SERPINB10: variants seen among roughly 807,000 people sequenced by gnomAD.
The protein encoded by SERPINB10 is serpin family B member 10.
A neutral mutation model predicts 39.1 loss-of-function variants in SERPINB10; 35 were observed. The observed-to-expected ratio is 0.90, with a 90% CI of 0.68 to 1.19. The LOEUF (loss-of-function observed/expected upper bound fraction) is 1.19, where lower values mean the gene tolerates loss of function less well. SERPINB10 is among the 50% of genes most tolerant of loss of function. The pLI, the probability that SERPINB10 is intolerant of heterozygous loss-of-function variation, is 0.00. For missense variants in SERPINB10, 546 were observed against 460.5 expected (o/e 1.19, Z -1.70); for synonymous variants, 190 against 158.1 (o/e 1.20, Z -1.52).
intron 5 of SERPINB10, among the ~76,000 whole-genome samples, chr18:63,921,831 T>C (rs1401239931): frequency 2.0e-5 from 3 of 151,904 alleles, no homozygotes; most frequent in Non-Finnish European, 2.9e-5. Context: ...TCAGGGATTC[T>C]ACATGTCATA....
At chr18:63,917,604 C>G (rs1046042578) in intron 3 of SERPINB10, 83 bp downstream of exon 3, 2 of 754,318 alleles carry the variant, frequency 2.7e-6, no homozygotes, top group African/African-American at 1.8e-5. Context: ...ACTGAAGCAA[C>G]TTTTAGCAGG....
At chr18:63,931,970 T>C (rs1014817644) in intron 6 of SERPINB10, among the ~76,000 whole-genome samples, 1 of 152,212 alleles carries the variant, frequency 6.6e-6, no homozygotes, top group Non-Finnish European at 1.5e-5. Context: ...TTGTACAGTT[T>C]TGGCTTTTCT....
intron 1 of SERPINB10, among the ~76,000 whole-genome samples, chr18:63,913,487 A>G (rs569527399): frequency 1.3e-5 from 2 of 151,882 alleles, no homozygotes; most frequent in South Asian, 4.1e-4. Context: ...CTCTGTGTCT[A>G]TTTCAAAGAC....
chr18:63,912,070 T>C (rs1477915313), intron 1 of SERPINB10, among the ~76,000 whole-genome samples: 1 of 151,992 alleles, frequency 6.6e-6, no homozygotes, highest in Non-Finnish European at 1.5e-5. Flanking sequence ...TAGTCTTGAG[T>C]TGGCTCCCTG....
intron 5 of SERPINB10, among the ~76,000 whole-genome samples, chr18:63,926,385 T>C (rs8094058): frequency 0.41 from 62,584 of 151,874 alleles, 15,756 homozygotes; most frequent in African/African-American, 0.71. Context: ...TTGGGTCTCA[T>C]CTTAATCCAA....
chr18:63,923,445 A>G (rs560854309), intron 5 of SERPINB10, among the ~76,000 whole-genome samples: 3 of 151,868 alleles, frequency 2.0e-5, no homozygotes, highest in African/African-American at 7.2e-5. Flanking sequence ...TGAGCTTTCA[A>G]CAGGTCTTCT....
intron 5 of SERPINB10, among the ~76,000 whole-genome samples, chr18:63,924,844 C>T (rs1417924656): frequency 6.6e-6 from 1 of 151,880 alleles, no homozygotes; most frequent in East Asian, 1.9e-4. Context: ...TGGCTTGTAG[C>T]ACTGTTTCAG....
chr18:63,934,758 C>T, intron 7 of SERPINB10, 80 bp from the exon 8 acceptor site: 1 of 1,417,976 alleles, frequency 7.1e-7, no homozygotes, highest in African/African-American at 1.4e-5. Flanking sequence ...CTATGTAATT[C>T]CTAGGGTGCT....
intron 5 of SERPINB10, among the ~76,000 whole-genome samples, chr18:63,921,521 T>G (rs1030523592): frequency 6.6e-6 from 1 of 151,942 alleles, no homozygotes; most frequent in African/African-American, 2.4e-5. Flanking sequence ...TCCTTTCAAT[T>G]CCTTTCCTCC....
At chr18:63,928,122 T>C (rs2050193583) in intron 5 of SERPINB10, among the ~76,000 whole-genome samples, 1 of 152,098 alleles carries the variant, frequency 6.6e-6, no homozygotes, top group Non-Finnish European at 1.5e-5. Flanking sequence ...AATATTTTCC[T>C]GGAAAATTAT....
intron 1 of SERPINB10, among the ~76,000 whole-genome samples, chr18:63,909,246 C>T (rs78133935): frequency 0.026 from 3,916 of 152,070 alleles, 153 homozygotes; most frequent in African/African-American, 0.088. Flanking sequence ...TGCAAAAGAG[C>T]AATTAATTTT....
chr18:63,911,658 C>A (rs1364338504), intron 1 of SERPINB10, among the ~76,000 whole-genome samples: 1 of 152,022 alleles, frequency 6.6e-6, no homozygotes, highest in African/African-American at 2.4e-5. Flanking sequence ...GTGCCAGCAC[C>A]AGGCTGTTTT....
At chr18:63,922,664 C>A (rs976142) in intron 5 of SERPINB10, among the ~76,000 whole-genome samples, 16 of 151,764 alleles carry the variant, frequency 1.1e-4, no homozygotes, top group Non-Finnish European at 1.8e-4. Flanking sequence ...TGGTCCTTGC[C>A]TTGCTTCCCC....
In SERPINB10 at chr18:63,917,496, C is replaced by A; in HGVS notation, c.209C>A (p.Pro70His). 6.3e-7 allele frequency: 1 copy of A among 1,576,148 alleles called. No individual in the cohort carries two copies. ...FNRDQGVKCD[P>H]ESEKKRKMEF... ...AGAGACCAGGGAGTCAAATGTGACC[C>A]TGAAAGTGAAAAAAAAAGGAAAATG... The change falls in exon 3 of 8, where the codon CCT becomes CAT. Residue 70 changes from proline to histidine, a missense_variant. By Grantham distance (77) the Pro-to-His change is moderately conservative. Coordinates refer to ENST00000238508, the MANE Select transcript of SERPINB10 (RefSeq NM_005024.3).
At chr18:63,923,342 G>A (rs999662400) in intron 5 of SERPINB10, among the ~76,000 whole-genome samples, 12 of 152,034 alleles carry the variant, frequency 7.9e-5, no homozygotes, top group Middle Eastern at 3.4e-3. Context: ...AGACTTTGTC[G>A]AGGCAGAGTT....
intron 1 of SERPINB10, among the ~76,000 whole-genome samples, chr18:63,913,939 A>G (rs1343117468): frequency 7.1e-6 from 1 of 141,258 alleles, no homozygotes; most frequent in Non-Finnish European, 1.5e-5. Context: ...TGAGTGCTCC[A>G]ATGTTGGGTG....
At chr18:63,934,416 G>A (rs879562259) in intron 7 of SERPINB10, among the ~76,000 whole-genome samples, 17 of 152,100 alleles carry the variant, frequency 1.1e-4, no homozygotes, top group Non-Finnish European at 2.4e-4. Context: ...GTATAGACGT[G>A]TTATTTTATT....
intron 1 of SERPINB10, 72 bp from the exon 2 acceptor site, chr18:63,915,421 AACTATGAAT>A: frequency 9.9e-7 from 1 of 1,005,408 alleles, no homozygotes; most frequent in East Asian, 2.5e-5. Context: ...ATATGTATGC[AACTATGAAT>A]ACATATTTTT....
chr18:63,928,551 G>C (rs9955325), intron 5 of SERPINB10, among the ~76,000 whole-genome samples: 62,614 of 151,890 alleles, frequency 0.41, 15,782 homozygotes, highest in African/African-American at 0.71. Context: ...CTCACGGTTT[G>C]TGGCTACAAA....
Sources: allele counts gnomAD v4.1 joint callset (sites outside exome capture counted in the v4.1 genomes callset), GRCh38; gene constraint gnomAD v4.1.1; transcripts MANE v1.5; gene names NCBI Gene and HGNC (gene_info 2026-07-23, HGNC 2026-07-21).